Variants in EYS observed in about 807,000 individuals in gnomAD.
The protein encoded by EYS is protein eyes shut homolog.
A neutral mutation model predicts 282.1 loss-of-function variants in EYS; 250 were observed. The observed-to-expected ratio is 0.89, with a 90% CI of 0.80 to 0.98. The LOEUF is 0.98. EYS is among the 50% of genes least tolerant of loss of function. The probability of loss-of-function intolerance (pLI) is 0.00; values close to 1 mark genes in which losing one functional copy is unlikely to be tolerated. For missense variants in EYS, 4,016 were observed against 3,709.0 expected, an observed-to-expected ratio of 1.08 and a Z score of -2.15; for synonymous variants, 1,355 against 1,282.9, an observed-to-expected ratio of 1.06 and a Z score of -1.20.
intron 28 of EYS, among the ~76,000 whole-genome samples, chr6:64,420,277 G>T (rs1175669667): frequency 6.6e-6 from 1 of 151,772 alleles, no homozygotes; most frequent in African/African-American, 2.4e-5. Flanking sequence ...AATTCCCTAG[G>T]CTGCATACAG....
In EYS at chr6:64,663,161, C is replaced by G. The variant is rs568038992; in HGVS notation, c.3444-36916G>C. On this transcript the variant is annotated intron_variant, in intron 22 of 42. Coordinates refer to ENST00000503581, the MANE Select transcript of EYS (RefSeq NM_001142800.2). ...TAGACTTCCCAATGTTACTAGTTAT[C>G]TTGATAACAATTTTGCTAAAAATTC... 1.2e-3 allele frequency among the ~76,000 whole-genome samples: 175 copies of G among 152,162 alleles called. 1 individual carries two copies. The highest frequency in any genetic ancestry group is 1.6e-3 in the Non-Finnish European group (109 of 68,012).
At position 63,950,030 on chromosome 6, in the gene EYS, G is replaced by A. The variant is rs200840270; in HGVS notation, c.7055+34353C>T. Among the ~76,000 whole-genome samples the A allele has an allele frequency of 1.5e-4, 23 of 152,008 alleles. No individual in the cohort carries two copies. The East Asian group carries it at 2.7e-3, about 18-fold the overall frequency. ...CTACTAAAAATACAAAAAATTAGCC[G>A]GGCGTGGTGGCAGGCACCTGTAATA... On this transcript the variant is annotated intron_variant, in intron 35 of 42. Coordinates refer to ENST00000503581, the MANE Select transcript of EYS (RefSeq NM_001142800.2).
At position 64,232,547 on chromosome 6, in the gene EYS, G is replaced by A. The variant is rs187336946; in HGVS notation, c.6192-1723C>T. Among the ~76,000 whole-genome samples the A allele has an allele frequency of 7.2e-4, 109 of 152,114 alleles. No individual in the cohort carries two copies. The East Asian group carries it at 0.019, about 26-fold the overall frequency. ...TGGGATTACAGGCACCCGCCACCAT[G>A]CCTGGTTAATTTTTTGTATTTTCAG... is the stretch of plus-strand genomic sequence containing the variant. On this transcript the variant is annotated intron_variant, in intron 30 of 42. Transcript: ENST00000503581.
At chr6:63,823,334 A>G (rs1301366044) in intron 36 of EYS, among the ~76,000 whole-genome samples, 2 of 152,206 alleles carry the variant, frequency 1.3e-5, no homozygotes, top group East Asian at 3.8e-4. Context: ...TTCTTAATAC[A>G]TACGATGAAA....
At chr6:65,666,307 A>C (rs1244909408) in intron 1 of EYS, among the ~76,000 whole-genome samples, 1 of 151,874 alleles carries the variant, frequency 6.6e-6, no homozygotes, top group Non-Finnish European at 1.5e-5. Flanking sequence ...TTTTTATAGT[A>C]ATGTAGAAGC....
At chr6:63,744,198 T>C (rs1259114599) in intron 41 of EYS, 1 of 152,226 alleles carries the variant, frequency 6.6e-6, no homozygotes, top group Non-Finnish European at 1.5e-5. Context: ...CATACTTTAA[T>C]TTTTAATTCA....
intron 29 of EYS, among the ~76,000 whole-genome samples, chr6:64,338,776 C>G (rs1770965359): frequency 6.6e-6 from 1 of 151,808 alleles, no homozygotes; most frequent in Non-Finnish European, 1.5e-5. Flanking sequence ...GTACTAGTAT[C>G]AACATAGGCA....
intron 28 of EYS, among the ~76,000 whole-genome samples, chr6:64,404,159 C>G (rs1282456798): frequency 6.6e-6 from 1 of 152,108 alleles, no homozygotes; most frequent in Admixed American, 6.5e-5. Context: ...TTAGCTCAAT[C>G]TAGTTGCATA....
Position 65,402,477 on chromosome 6 carries a change from C to A in EYS, c.1184+1G>T. The A allele has an allele frequency of 2.0e-6, 3 of 1,486,756 alleles. No individual in the cohort carries two copies. Among genetic ancestry groups the A allele is most frequent in the Non-Finnish European group, 2.8e-6 (3 of 1,066,122 alleles). 92.1% of individuals were successfully genotyped at this position (1,486,756 alleles called of 1,614,324 possible). A position where few individuals can be genotyped will look rare whatever the true frequency, so the allele number is the denominator to read the frequency against. On this transcript the variant is annotated splice_donor_variant, in intron 7 of 42. Transcript: ENST00000503581. LOFTEE classifies it high-confidence loss of function. ...AAAAATAAACAGAAAATTAATTATA[C>A]CTGCAAGGATAATCTTTCTCACATT...
chr6:65,451,375 T>C (rs2150401896), intron 5 of EYS, among the ~76,000 whole-genome samples: 1 of 152,232 alleles, frequency 6.6e-6, no homozygotes, highest in East Asian at 1.9e-4. Context: ...ATTCAAAGAA[T>C]TTATGTATTT....
intron 22 of EYS, among the ~76,000 whole-genome samples, chr6:64,764,418 T>C (rs189589275): frequency 8.7e-4 from 132 of 152,352 alleles, no homozygotes; most frequent in Non-Finnish European, 1.6e-3. Context: ...TTTTTAGCTG[T>C]GGCTGAAGCT....
chr6:64,347,331 A>C (rs1006597013), intron 29 of EYS, among the ~76,000 whole-genome samples: 14 of 151,454 alleles, frequency 9.2e-5, no homozygotes, highest in African/African-American at 3.1e-4. Flanking sequence ...AATTATTATT[A>C]ATCCTTAGGC....
intron 31 of EYS, among the ~76,000 whole-genome samples, chr6:64,200,587 G>T (rs1765434010): frequency 6.6e-6 from 1 of 152,110 alleles, no homozygotes; most frequent in African/African-American, 2.4e-5. Context: ...AGATCTGTTG[G>T]AAATGAGTGT....
intron 35 of EYS, among the ~76,000 whole-genome samples, chr6:63,879,857 G>T (rs1253601897): frequency 1.3e-5 from 2 of 152,138 alleles, no homozygotes; most frequent in African/African-American, 4.8e-5. Flanking sequence ...GATAACAGGG[G>T]TAAACAGGGA....
At chr6:64,074,256 T>G (rs1166431216) in intron 32 of EYS, among the ~76,000 whole-genome samples, 1 of 151,518 alleles carries the variant, frequency 6.6e-6, no homozygotes, top group Non-Finnish European at 1.5e-5. Context: ...TAGATTCCAG[T>G]ATCTAAATGT....
chr6:65,143,942 T>C (rs1411618238), intron 12 of EYS, among the ~76,000 whole-genome samples: 1 of 152,102 alleles, frequency 6.6e-6, no homozygotes, highest in Non-Finnish European at 1.5e-5. Flanking sequence ...TTTCCTATTA[T>C]TGTACAACAG....
At position 64,801,744 on chromosome 6, in the gene EYS, AT is replaced by A. The variant is rs748626655; in HGVS notation, c.3443+11633del. ...AAAGAAAAGACAAAATCATACCATA[AT>A]TTTATTCTAATTATTTCATAATCAC... On this transcript the variant is annotated intron_variant, in intron 22 of 42. Transcript: ENST00000503581. Among the ~76,000 whole-genome samples the A allele has an allele frequency of 7.2e-5, 11 of 152,286 alleles. No homozygotes were observed. In the South Asian group the frequency reaches 1.0e-3, roughly 14 times the overall value.
chr6:63,831,314 G>A (rs1248367848), intron 36 of EYS, among the ~76,000 whole-genome samples: 1 of 152,148 alleles, frequency 6.6e-6, no homozygotes, highest in Non-Finnish European at 1.5e-5. Flanking sequence ...GCTGTACTCA[G>A]GAGACCCATC....
intron 35 of EYS, among the ~76,000 whole-genome samples, chr6:63,936,825 G>C (rs1223691019): frequency 2.0e-5 from 3 of 152,114 alleles, no homozygotes; most frequent in African/African-American, 7.2e-5. Context: ...TGAGATTCAG[G>C]TATCTTTCTG....
Sources: gnomAD v4.1 joint callset for allele counts (sites outside exome capture counted in the v4.1 genomes callset) on GRCh38, gnomAD v4.1.1 for gene constraint, MANE v1.5 for transcripts, NCBI Gene and HGNC (gene_info 2026-07-23, HGNC 2026-07-21) for gene names.